The following EML5 variants were observed in gnomAD, a reference collection of about 807,000 sequenced individuals.
EML5 encodes the protein echinoderm microtubule-associated protein-like 5.
In EML5, 120 loss-of-function variants were observed where a neutral mutation model predicts 250.0. That is an observed-to-expected ratio of 0.48 (90% CI 0.41 to 0.56). EML5 has a LOEUF of 0.56. Among genes scored for constraint, EML5 ranks in the 20% least tolerant of loss-of-function variants. EML5 has a pLI of 0.00. For missense variants in EML5, 2,006 were observed against 2,437.6 expected (o/e 0.82, Z 3.73); for synonymous variants, 771 against 806.5 (o/e 0.96, Z 0.75).
At chr14:88,694,470 C>T (rs2141322932) in intron 16 of EML5, 63 bp from the exon 17 acceptor site, 1 of 1,110,826 alleles carries the variant, frequency 9.0e-7, no homozygotes, top group Non-Finnish European at 1.3e-6. Flanking sequence ...AATCTCTTGC[C>T]TAATCCATAC....
rs554955477 is a variant in EML5 at position 88,688,307 on chromosome 14, A to T, written c.2706T>A (p.His902Gln). Residue 902 changes from histidine (H) to glutamine (Q), a missense_variant, in exon 18 of 44, where the codon CAT becomes CAA. His to Gln is a conservative substitution (Grantham distance 24, BLOSUM62 0). Transcript: ENST00000554922. ...DIFLVKTVKA[H>Q]DGPVFSMHAL... is the part of the protein sequence containing the mutation. ...CATGCATACTGAACACTGGCCCATC[A>T]TGCGCTTTCACTGTTTTTACAAGAA... The T allele has an allele frequency of 1.2e-6, 2 of 1,613,946 alleles. No homozygotes were observed. The highest frequency in any genetic ancestry group is 2.2e-5 in the East Asian group (1 of 44,872).
At chr14:88,643,740 G>T (rs1057382201) in intron 30 of EML5, among the ~76,000 whole-genome samples, 9 of 152,188 alleles carry the variant, frequency 5.9e-5, no homozygotes, top group Admixed American at 1.3e-4. Flanking sequence ...TTCATCATCG[G>T]TGGATAAAAA....
At chr14:88,747,452 C>G (rs1038460512) in intron 2 of EML5, among the ~76,000 whole-genome samples, 6 of 151,608 alleles carry the variant, frequency 4.0e-5, no homozygotes, top group Non-Finnish European at 8.8e-5. Flanking sequence ...AACAAACCAC[C>G]CCACCCACAC....
In EML5 at chr14:88,615,474, T is replaced by C. The variant is rs549160870; in HGVS notation, c.*344A>G. On this transcript the variant is annotated 3_prime_UTR_variant, in exon 44 of 44. Transcript: ENST00000554922. ...AAAAAGATAATGAAAATTATCCAAA[T>C]TGGGTTTTTGAGTTCTTCTGTAAAG... is the stretch of plus-strand genomic sequence containing the variant. 53 of 230,140 alleles carry C rather than the reference T, an allele frequency of 2.3e-4. No individual in the cohort carries two copies. Among genetic ancestry groups the C allele is most frequent in the African/African-American group, 1.1e-3 (48 of 44,616 alleles). The allele number at this position is 230,140 out of a possible 1,614,324, so 14.3% of individuals were successfully genotyped here. A position where few individuals can be genotyped will look rare whatever the true frequency, so the allele number is the denominator to read the frequency against.
Position 88,625,039 on chromosome 14 carries a change from T to C in EML5, c.4829A>G (p.Asn1610Ser). The change falls in exon 36 of 44, where the codon AAC becomes AGC. Residue 1610 changes from asparagine to serine, a missense_variant. Asn to Ser is a conservative substitution (Grantham distance 46). Transcript: ENST00000554922. ...ILCRIVARAHNGPVFAMYTTL... is the reference protein window; with the variant it reads ...ILCRIVARAHSGPVFAMYTTL... ...GGTGTACATGGCAAACACAGGCCCG[T>C]TGTGAGCTCTCGCCACGATTCTACA... 3.7e-6 allele frequency: 6 copies of C among 1,613,808 alleles called. No individual in the cohort carries two copies. Among genetic ancestry groups the C allele is most frequent in the Non-Finnish European group, 5.1e-6 (6 of 1,179,766 alleles).
intron 21 of EML5, among the ~76,000 whole-genome samples, chr14:88,679,959 A>G (rs2092683478): frequency 6.6e-6 from 1 of 152,168 alleles, no homozygotes; most frequent in Admixed American, 6.5e-5. Context: ...TTTCAACTCA[A>G]TAATACTATC....
chr14:88,693,763 CTTTTTTTTTT>C (rs71127002), intron 17 of EML5, among the ~76,000 whole-genome samples: 1 of 62,846 alleles, frequency 1.6e-5, no homozygotes, highest in South Asian at 8.4e-4. Context: ...ATGTTAACAT[CTTTTTTTTTT>C]TTTTTTTTTT....
At chr14:88,648,087 G>GT (rs918614856) in intron 28 of EML5, among the ~76,000 whole-genome samples, 10 of 151,890 alleles carry the variant, frequency 6.6e-5, no homozygotes, top group African/African-American at 1.7e-4. Flanking sequence ...TCTTTAAAAA[G>GT]TTTTTTTTCT....
chr14:88,768,462 G>C (rs1377366980), intron 1 of EML5, among the ~76,000 whole-genome samples: 1 of 151,908 alleles, frequency 6.6e-6, no homozygotes, highest in African/African-American at 2.4e-5. Flanking sequence ...CCAGGCTGGA[G>C]TGCAATGGCG....
intron 10 of EML5, 38 bp from the exon 11 acceptor site, chr14:88,706,464 G>A (rs1219047442): frequency 7.2e-6 from 10 of 1,394,958 alleles, no homozygotes; most frequent in Non-Finnish European, 9.4e-6. Flanking sequence ...ATAAACAAAT[G>A]CTAAACAAAA....
chr14:88,765,471 T>C (rs190058663), intron 1 of EML5, among the ~76,000 whole-genome samples: 2 of 152,310 alleles, frequency 1.3e-5, no homozygotes, highest in East Asian at 3.9e-4. Context: ...CACATTGAGT[T>C]CTTCTCAAGC....
chr14:88,699,774 G>A (rs1053772897), intron 14 of EML5, among the ~76,000 whole-genome samples: 1 of 152,076 alleles, frequency 6.6e-6, no homozygotes, highest in Non-Finnish European at 1.5e-5. Context: ...TGAAGAACAA[G>A]ATTAACTTCC....
chr14:88,740,481 G>A lies in EML5; in HGVS notation c.617C>T (p.Ala206Val), dbSNP rs1440353643. The A allele has an allele frequency of 6.2e-7, 1 of 1,613,720 alleles. No homozygotes were observed. The highest frequency in any genetic ancestry group is 8.5e-7 in the Non-Finnish European group (1 of 1,179,768). Reference sequence around the variant, plus strand: ...ACCAGAATATGTTAATTCATCCCTTGCACAGGCTAGGCACAGTATTGTCTG... The same window carrying A: ...ACCAGAATATGTTAATTCATCCCTTACACAGGCTAGGCACAGTATTGTCTG... ...DLQTILCLAC[A>V]RDELTYSGAL... The change falls in exon 5 of 44, where the codon GCA becomes GTA. Residue 206 changes from alanine to valine, a missense_variant. This residue lies in a region of EML5 where 1,375 missense variants were observed against 1,590.3 expected (regional missense o/e 0.86). Coordinates refer to ENST00000554922, the MANE Select transcript of EML5 (RefSeq NM_183387.3).
chr14:88,677,657 A>G (rs2092626229), intron 21 of EML5, among the ~76,000 whole-genome samples: 1 of 152,278 alleles, frequency 6.6e-6, no homozygotes, highest in Admixed American at 6.5e-5. Context: ...ACAATTCTCA[A>G]AAGAAGACAT....
intron 17 of EML5, among the ~76,000 whole-genome samples, chr14:88,690,008 G>T (rs2092921650): frequency 6.6e-6 from 1 of 152,136 alleles, no homozygotes; most frequent in African/African-American, 2.4e-5. Context: ...TCAAGAAGGT[G>T]TATCTAAATG....
At chr14:88,642,465 A>G (rs969084126) in intron 31 of EML5, among the ~76,000 whole-genome samples, 1 of 152,146 alleles carries the variant, frequency 6.6e-6, no homozygotes, top group Non-Finnish European at 1.5e-5. Flanking sequence ...TGGCTTTCCA[A>G]GGCCTCAGTA....
chr14:88,694,328 T>C lies in EML5; in HGVS notation c.2518A>G (p.Met840Val), dbSNP rs1404979763. The change falls in exon 17 of 44, where the codon ATG becomes GTG. Residue 840 changes from methionine (M) to valine (V), a missense_variant. Transcript: ENST00000554922. ...DKLITAGIKH[M>V]KFWRKAGGGL... is the part of the protein sequence containing the mutation. ...TTACCTGCTTTACGCCAAAATTTCA[T>C]GTGTTTAATTCCAGCTGTAATTAGT... 6.3e-7 allele frequency: 1 copy of C among 1,587,840 alleles called. No individual in the cohort carries two copies. The highest frequency in any genetic ancestry group is 2.3e-5 in the East Asian group (1 of 44,404).
Position 88,712,375 on chromosome 14 carries a change from A to G in EML5, c.1553T>C (p.Ile518Thr). Reference protein sequence around the residue: ...VNGIWPKYSDINDINSVDGNY... With the variant: ...VNGIWPKYSDTNDINSVDGNY... ...TCCATCTACTGAATTTATATCGTTGATATCTGAATACTTGGGCCAAATTCC... is the reference window on the plus strand; with the variant it reads ...TCCATCTACTGAATTTATATCGTTGGTATCTGAATACTTGGGCCAAATTCC... The change falls in exon 10 of 44, where the codon ATC (isoleucine) becomes ACC (threonine). Residue 518 changes from isoleucine (I) to threonine (T), a missense_variant. Around this residue, in one of 7 missense-constraint regions of EML5, gnomAD observed 1,375 missense variants for 1,590.3 expected, o/e 0.86. Transcript: ENST00000554922. The G allele has an allele frequency of 3.1e-6, 5 of 1,613,546 alleles. No individual in the cohort carries two copies. Among genetic ancestry groups the G allele is most frequent in the Non-Finnish European group, 4.2e-6 (5 of 1,179,624 alleles).
chr14:88,764,833 C>T (rs1190869419), intron 1 of EML5, among the ~76,000 whole-genome samples: 1 of 151,982 alleles, frequency 6.6e-6, no homozygotes. Context: ...TTCTGTGTTA[C>T]TGATTTTTAT....
Sources: gnomAD v4.1 joint callset for allele counts (sites outside exome capture counted in the v4.1 genomes callset) on GRCh38, gnomAD v4.1.1 for gene constraint, gnomAD v4.1.1 regional missense constraint, MANE v1.5 for transcripts, NCBI Gene and HGNC (gene_info 2026-07-23, HGNC 2026-07-21) for gene names.